The following MED13 variants were observed in gnomAD, a reference collection of about 807,000 sequenced individuals.
The protein encoded by MED13 is mediator complex subunit 13, also known as mediator of RNA polymerase II transcription subunit 13.
In MED13, 23 loss-of-function variants were observed where a neutral mutation model predicts 225.2. The observed-to-expected ratio is 0.10, with a 90% CI of 0.07 to 0.14. The LOEUF (loss-of-function observed/expected upper bound fraction) is 0.14, where lower values mean the gene tolerates loss of function less well. Ranked by LOEUF, MED13 falls within the 10% of genes least tolerant of loss-of-function variation. MED13 has a pLI of 1.00. For synonymous variants in MED13, 942 were observed against 889.2 expected, an observed-to-expected ratio of 1.06 and a Z score of -1.06; for missense variants, 2,197 against 2,594.5, an observed-to-expected ratio of 0.85 and a Z score of 3.33.
At chr17:61,972,606 G>T in intron 17 of MED13, 121 bp downstream of exon 17, 1 of 903,990 alleles carries the variant, frequency 1.1e-6, no homozygotes, top group Non-Finnish European at 1.6e-6. Flanking sequence ...TTGGACCACA[G>T]TGGCCTTAAG....
chr17:62,058,424 G>A (rs915246731), intron 2 of MED13, among the ~76,000 whole-genome samples: 42 of 151,486 alleles, frequency 2.8e-4, no homozygotes, highest in Admixed American at 2.7e-3. Flanking sequence ...GGGAGGCTGA[G>A]GCAGAAGGAT....
chr17:61,982,548 T>A lies in MED13; in HGVS notation c.3455A>T (p.Asn1152Ile). Reference sequence around the variant, plus strand: ...TTCTGCTTCTTTGCCACAGTCTGTATTGCGTCCTATGATATCTAGTTCATC... The same window carrying A: ...TTCTGCTTCTTTGCCACAGTCTGTAATGCGTCCTATGATATCTAGTTCATC... ...LEDELDIIGR[N>I]TDCGKEAEKR... The change falls in exon 16 of 30, where the codon AAT becomes ATT. Residue 1152 changes from asparagine to isoleucine, a missense_variant. Coordinates refer to ENST00000397786, the MANE Select transcript of MED13 (RefSeq NM_005121.3). The A allele has an allele frequency of 6.2e-7, 1 of 1,614,216 alleles. No homozygotes were observed. Among genetic ancestry groups the A allele is most frequent in the South Asian group, 1.1e-5 (1 of 91,078 alleles).
chr17:61,980,198 C>T (rs1358438890), intron 16 of MED13, among the ~76,000 whole-genome samples: 1 of 145,936 alleles, frequency 6.9e-6, no homozygotes, highest in Non-Finnish European at 1.6e-5. Flanking sequence ...AAAACAAAAA[C>T]AAACAAACAA....
At chr17:61,973,037 G>C in intron 16 of MED13, 149 bp from the exon 17 acceptor site, 1 of 531,620 alleles carries the variant, frequency 1.9e-6, no homozygotes, top group Non-Finnish European at 3.1e-6. Flanking sequence ...ATTGCATTAA[G>C]TTCTACAAGA....
chr17:61,950,021 A>G (rs1016699695), intron 28 of MED13, among the ~76,000 whole-genome samples: 1 of 152,224 alleles, frequency 6.6e-6, no homozygotes, highest in Non-Finnish European at 1.5e-5. Flanking sequence ...ATAATGCAGC[A>G]TAACAGCAGT....
chr17:61,946,386 G>A lies in MED13; in HGVS notation c.*82C>T. On this transcript the variant is annotated 3_prime_UTR_variant, in exon 30 of 30. Transcript: ENST00000397786. ...GACCCCATCACAAATGACCTTCACTGAGAAGATAATTGTAACTTAATCCTG... is the reference window on the plus strand; with the variant it reads ...GACCCCATCACAAATGACCTTCACTAAGAAGATAATTGTAACTTAATCCTG... 2 of 1,492,426 alleles carry A rather than the reference G, an allele frequency of 1.3e-6. No homozygotes were observed. Among genetic ancestry groups the A allele is most frequent in the Non-Finnish European group, 1.8e-6 (2 of 1,091,558 alleles). 92.4% of individuals were successfully genotyped at this position (1,492,426 alleles called of 1,614,324 possible). A position where few individuals can be genotyped will look rare whatever the true frequency, so the allele number is the denominator to read the frequency against.
At chr17:62,030,327 C>T in intron 6 of MED13, 1 of 217,090 alleles carries the variant, frequency 4.6e-6, no homozygotes, top group Non-Finnish European at 9.1e-6. Context: ...ATGGATCATG[C>T]TGTATAAGCA....
At chr17:61,985,259 A>C (rs1395807286) in intron 12 of MED13, among the ~76,000 whole-genome samples, 169 bp from the exon 13 acceptor site, 1 of 152,236 alleles carries the variant, frequency 6.6e-6, no homozygotes, top group Non-Finnish European at 1.5e-5. Flanking sequence ...AATATTTCTT[A>C]ATCACTGACT....
rs1264038589 is a variant in MED13, at chr17:61,945,418, C to T, written c.*1050G>A. 1 of 152,558 alleles carries T rather than the reference C, an allele frequency of 6.6e-6. No individual in the cohort carries two copies. The highest frequency in any genetic ancestry group is 2.4e-5 in the African/African-American group (1 of 41,432). 9.5% of individuals were successfully genotyped at this position (152,558 alleles called of 1,614,324 possible). A position where few individuals can be genotyped will look rare whatever the true frequency, so the allele number is the denominator to read the frequency against. ...AATATTTCCATGCCTAAATATGCCA[C>T]TGTTAAAACTGAAAAAAATTTAAGC... On this transcript the variant is annotated 3_prime_UTR_variant, in exon 30 of 30. Transcript: ENST00000397786.
chr17:61,987,075 C>A lies in MED13; in HGVS notation c.2317G>T (p.Asp773Tyr). 1 of 1,607,648 alleles carries A rather than the reference C, an allele frequency of 6.2e-7. No homozygotes were observed. The highest frequency in any genetic ancestry group is 1.1e-5 in the South Asian group (1 of 90,286). The change falls in exon 12 of 30, where the codon GAC becomes TAC. Residue 773 changes from aspartate (D) to tyrosine (Y), a missense_variant. Coordinates refer to ENST00000397786, the MANE Select transcript of MED13 (RefSeq NM_005121.3). ...GTATAAGAGACAGCCAGGTCTGAGT[C>A]ATAAATCAAACTTGTTGATGGAGGA... ...ARPPSTSLIY[D>Y]SDLAVSYTDL... is the part of the protein sequence containing the mutation.
At chr17:62,062,578 A>AACAC (rs577585046) in intron 2 of MED13, among the ~76,000 whole-genome samples, 21 of 134,666 alleles carry the variant, frequency 1.6e-4, no homozygotes, top group South Asian at 1.4e-3. Context: ...CATGCCTTAA[A>AACAC]ACACACACAC....
At chr17:62,027,836 A>C (rs1295905493) in intron 8 of MED13, among the ~76,000 whole-genome samples, 1 of 152,246 alleles carries the variant, frequency 6.6e-6, no homozygotes, top group Non-Finnish European at 1.5e-5. Flanking sequence ...ACTGATCATT[A>C]GAGAAATGCA....
At chr17:62,019,709 T>G (rs926979824) in intron 8 of MED13, among the ~76,000 whole-genome samples, 5 of 152,114 alleles carry the variant, frequency 3.3e-5, no homozygotes, top group African/African-American at 1.2e-4. Flanking sequence ...TTCTAAAAGC[T>G]AGTTTCTTTA....
At chr17:62,006,947 A>G (rs750300285) in intron 9 of MED13, 6 of 151,794 alleles carry the variant, frequency 4.0e-5, no homozygotes, top group Non-Finnish European at 8.8e-5. Flanking sequence ...AATTAAAATA[A>G]TAGTAACAAT....
intron 3 of MED13, among the ~76,000 whole-genome samples, chr17:62,038,868 G>A (rs2080829063): frequency 6.6e-6 from 1 of 151,740 alleles, no homozygotes; most frequent in South Asian, 2.1e-4. Context: ...GGGCGGGGGG[G>A]CTCACTATGT....
At position 61,955,786 on chromosome 17, in the gene MED13, G is replaced by C; in HGVS notation, c.5676C>G (p.Leu1892=). ...TACCACACATTCTACACATGTCTTT[G>C]AGCCTTTTACTTAGAGACTGCAAGT... is the stretch of plus-strand genomic sequence containing the variant. The part of the protein sequence containing the change: ...RRNLQSLSKR[L]KDMCRMCGIS... Residue 1892 remains leucine, a synonymous_variant, in exon 25 of 30, where the codon CTC becomes CTG. Transcript: ENST00000397786. 1.3e-6 allele frequency: 2 copies of C among 1,544,200 alleles called. No individual in the cohort carries two copies. The highest frequency in any genetic ancestry group is 1.8e-6 in the Non-Finnish European group (2 of 1,139,052).
At chr17:61,966,383 T>C in intron 19 of MED13, 79 bp downstream of exon 19, 1 of 1,168,100 alleles carries the variant, frequency 8.6e-7, no homozygotes, top group South Asian at 1.5e-5. Context: ...TCCAATAAAA[T>C]TTTATCTACA....
At chr17:62,024,040 C>A (rs571620439) in intron 8 of MED13, among the ~76,000 whole-genome samples, 1 of 147,702 alleles carries the variant, frequency 6.8e-6, no homozygotes, top group Non-Finnish European at 1.5e-5. Flanking sequence ...TTTTTTGAGA[C>A]GGAGTCTCGC....
chr17:62,035,441 C>T (rs1022987718), intron 4 of MED13, 22 bp downstream of exon 4: 3 of 1,560,550 alleles, frequency 1.9e-6, no homozygotes, highest in South Asian at 1.2e-5. Context: ...GATCAAATAC[C>T]TAATATAATA....
Sources: gnomAD v4.1 joint callset for allele counts (sites outside exome capture counted in the v4.1 genomes callset) on GRCh38, gnomAD v4.1.1 for gene constraint, MANE v1.5 for transcripts, NCBI Gene and HGNC (gene_info 2026-07-23, HGNC 2026-07-21) for gene names.